The following LARGE1 variants were observed in gnomAD, a reference collection of about 807,000 sequenced individuals.
LARGE1 encodes the protein xylosyl- and glucuronyltransferase LARGE1.
A neutral mutation model predicts 87.6 loss-of-function variants in LARGE1; 43 were observed. The observed-to-expected ratio is 0.49, with a 90% CI of 0.38 to 0.63. LARGE1 has a LOEUF of 0.63. Among genes scored for constraint, LARGE1 ranks in the 30% least tolerant of loss-of-function variants. LARGE1 has a pLI of 0.00. For synonymous variants in LARGE1, 434 were observed against 394.6 expected (o/e 1.10, Z -1.18); for missense variants, 802 against 1,000.2 (o/e 0.80, Z 2.67).
At chr22:33,508,985 T>C (rs1242610983) in intron 6 of LARGE1, among the ~76,000 whole-genome samples, 1 of 152,216 alleles carries the variant, frequency 6.6e-6, no homozygotes, top group African/African-American at 2.4e-5. Flanking sequence ...GCTAATTGGC[T>C]TCAATTTACC....
chr22:33,208,487 G>T (rs1924794738), intron 11 of LARGE1, among the ~76,000 whole-genome samples: 1 of 152,168 alleles, frequency 6.6e-6, no homozygotes, highest in Non-Finnish European at 1.5e-5. Flanking sequence ...CTTTCCCAGT[G>T]TAGTAGCCAT....
chr22:33,858,227 G>A (rs745900830), intron 1 of LARGE1, among the ~76,000 whole-genome samples: 7 of 152,222 alleles, frequency 4.6e-5, no homozygotes, highest in Non-Finnish European at 7.3e-5. Flanking sequence ...GCTGGATCAG[G>A]AGCCCAGTGG....
chr22:33,656,058 A>AGTGTGT (rs3072285), intron 2 of LARGE1, among the ~76,000 whole-genome samples: 7,340 of 150,450 alleles, frequency 0.049, 244 homozygotes, highest in East Asian at 0.15. Context: ...CATAAGCATG[A>AGTGTGT]GTGTGTGTGT....
rs146343893 is a variant in LARGE1, at chr22:33,705,576, G to A, written c.107-54908C>T. On this transcript the variant is annotated intron_variant, in intron 2 of 14. Coordinates refer to ENST00000397394, the MANE Select transcript of LARGE1 (RefSeq NM_133642.5). ...CACTGATGAGGAAAGTGAAGTTATG[G>A]AAAGCAAAGCGACTTGTCCAAGGCA... Among the ~76,000 whole-genome samples, 1,439 of 152,298 alleles carry A rather than the reference G, an allele frequency of 9.4e-3. 12 individuals are homozygous for A. Among genetic ancestry groups the A allele is most frequent in the Admixed American group, 0.018 (273 of 15,298 alleles).
At chr22:33,519,034 T>C (rs2071440645) in intron 6 of LARGE1, among the ~76,000 whole-genome samples, 1 of 152,062 alleles carries the variant, frequency 6.6e-6, no homozygotes, top group Non-Finnish European at 1.5e-5. Context: ...TGGAATTTGT[T>C]TTAGGCAAAA....
At chr22:33,344,521 T>G (rs534061142) in intron 9 of LARGE1, among the ~76,000 whole-genome samples, 1 of 152,256 alleles carries the variant, frequency 6.6e-6, no homozygotes, top group South Asian at 2.1e-4. Context: ...GGAAAGTGAC[T>G]TACCGAGAGT....
Position 33,273,675 on chromosome 22 carries a change from A to C in LARGE1, c.*752T>G. The C allele has an allele frequency of 2.5e-6, 1 of 398,842 alleles. No homozygotes were observed. The highest frequency in any genetic ancestry group is 4.4e-6 in the Non-Finnish European group (1 of 226,346). The allele number at this position is 398,842 out of a possible 1,614,324, so 24.7% of individuals were successfully genotyped here. A position where few individuals can be genotyped will look rare whatever the true frequency, so the allele number is the denominator to read the frequency against. ...CTGCCCATGTTTAAATATCGGCCGAAGATGCTTGACCTCCTTCCTGGGCCA... is the reference window on the plus strand; with the variant it reads ...CTGCCCATGTTTAAATATCGGCCGACGATGCTTGACCTCCTTCCTGGGCCA... On this transcript the variant is annotated 3_prime_UTR_variant, in exon 15 of 15. Transcript: ENST00000397394.
intron 1 of LARGE1, among the ~76,000 whole-genome samples, chr22:33,823,019 A>G (rs570776137): frequency 6.6e-6 from 1 of 152,312 alleles, no homozygotes; most frequent in South Asian, 2.1e-4. Context: ...CACCCCACCT[A>G]TACACCTACC....
Position 33,732,826 on chromosome 22 carries a change from C to T in LARGE1, c.106+28545G>A, listed in dbSNP as rs774592266. ...ACTCTCCTGTGGCAGCCGTTCACCT[C>T]GGCCCTTTTCCTAGGGATTTGCCTT... On this transcript the variant is annotated intron_variant, in intron 2 of 14. Coordinates refer to ENST00000397394, the MANE Select transcript of LARGE1 (RefSeq NM_133642.5). The T allele has an allele frequency of 1.4e-4, 21 of 152,300 alleles. No individual in the cohort carries two copies. The Middle Eastern group carries it at 0.024, about 173-fold the overall frequency. 9.4% of individuals were successfully genotyped at this position (152,300 alleles called of 1,614,324 possible).
In LARGE1 at chr22:33,547,719, G is replaced by A. The variant is rs915389789; in HGVS notation, c.787+17129C>T. ...TGAGGCAGGAGAATTGCTTGAATCC[G>A]GGAGGTGGAGGTTGCAGTCAGCTGA... On this transcript the variant is annotated intron_variant, in intron 6 of 14. Transcript: ENST00000397394. Among the ~76,000 whole-genome samples, 6 of 144,052 alleles carry A rather than the reference G, an allele frequency of 4.2e-5. No individual in the cohort carries two copies. In the East Asian group the frequency reaches 6.2e-4, roughly 15 times the overall value. The allele number at this position is 144,052 out of a possible 152,430, so 94.5% of individuals were successfully genotyped here. A position where few individuals can be genotyped will look rare whatever the true frequency, so the allele number is the denominator to read the frequency against.
chr22:33,074,999 C>T, the LARGE1 span, among the ~76,000 whole-genome samples: 1 of 152,178 alleles, frequency 6.6e-6, no homozygotes, highest in East Asian at 1.9e-4. Flanking sequence ...CCAAGCTTAG[C>T]GAGCTTATGT....
At chr22:33,527,894 T>C (rs1036679411) in intron 6 of LARGE1, among the ~76,000 whole-genome samples, 4 of 152,116 alleles carry the variant, frequency 2.6e-5, no homozygotes, top group African/African-American at 9.7e-5. Flanking sequence ...AGTTCCTGCA[T>C]GGAAAAGCAG....
At chr22:33,867,028 C>T (rs1198677851) in intron 1 of LARGE1, among the ~76,000 whole-genome samples, 1 of 152,120 alleles carries the variant, frequency 6.6e-6, no homozygotes, top group Non-Finnish European at 1.5e-5. Flanking sequence ...AAGCTACCCA[C>T]AAAGGTGGCA....
At chr22:33,737,293 T>G (rs2083688989) in intron 2 of LARGE1, among the ~76,000 whole-genome samples, 1 of 152,168 alleles carries the variant, frequency 6.6e-6, no homozygotes, top group Non-Finnish European at 1.5e-5. Flanking sequence ...TCAGCTGAAC[T>G]CACTGAGCAT....
At chr22:33,615,548 G>T (rs1268627850) in intron 4 of LARGE1, among the ~76,000 whole-genome samples, 1 of 151,998 alleles carries the variant, frequency 6.6e-6, no homozygotes, top group African/African-American at 2.4e-5. Flanking sequence ...ACAGCAAGAA[G>T]GTGGCCATCT....
intron 1 of LARGE1, among the ~76,000 whole-genome samples, chr22:33,885,561 T>A (rs937954813): frequency 5.3e-5 from 8 of 152,246 alleles, no homozygotes; most frequent in Non-Finnish European, 7.3e-5. Flanking sequence ...ATGTGCTTTA[T>A]AAACTCTGAA....
intron 1 of LARGE1, among the ~76,000 whole-genome samples, chr22:33,770,076 G>A (rs1245290948): frequency 6.6e-6 from 1 of 152,214 alleles, no homozygotes; most frequent in African/African-American, 2.4e-5. Context: ...TATGCAAAGT[G>A]TGCAAATGTA....
chr22:33,137,361 A>G, the LARGE1 span: 64,425 of 152,726 alleles, frequency 0.42, 14,041 homozygotes, highest in South Asian at 0.68. Context: ...TTTGGCTAAT[A>G]AGGAAGAAAT....
intron 1 of LARGE1, among the ~76,000 whole-genome samples, chr22:33,870,098 G>C (rs893212053): frequency 6.6e-6 from 1 of 152,178 alleles, no homozygotes; most frequent in African/African-American, 2.4e-5. Context: ...AGTGGAGAAG[G>C]GTGGGCCCTT....
Sources: allele counts gnomAD v4.1 joint callset (sites outside exome capture counted in the v4.1 genomes callset), GRCh38; gene constraint gnomAD v4.1.1; transcripts MANE v1.5; gene names NCBI Gene and HGNC (gene_info 2026-07-23, HGNC 2026-07-21).